Variants in ZBTB37 observed in about 807,000 individuals in gnomAD.
The protein encoded by ZBTB37 is zinc finger and BTB domain containing 37, also known as zinc finger and BTB domain-containing protein 37.
A neutral mutation model predicts 37.7 loss-of-function variants in ZBTB37; 15 were observed. The ratio of observed to expected loss-of-function variants is 0.40; its 90% CI spans 0.27 to 0.61. ZBTB37 has a LOEUF of 0.61. ZBTB37 is among the 20% of genes least tolerant of loss of function. ZBTB37 has a pLI of 0.44. For missense variants in ZBTB37, 514 were observed against 641.9 expected (o/e 0.80, Z 2.15); for synonymous variants, 231 against 220.6 (o/e 1.05, Z -0.42).
exon 3 of ZBTB37, chr1:173,871,032 G>A (rs1188742766): frequency 1.9e-6 from 3 of 1,614,232 alleles, no homozygotes; most frequent in Non-Finnish European, 2.5e-6. Context: ...GTAGTGCAGA[G>A]GAAGTAACAG....
intron 4 of ZBTB37, among the ~76,000 whole-genome samples, chr1:173,874,046 C>T (rs1173412516): frequency 1.3e-5 from 2 of 151,802 alleles, no homozygotes; most frequent in Non-Finnish European, 2.9e-5. Flanking sequence ...ACCTGAGGTC[C>T]GGAGTTCGAG....
chr1:173,898,114 TGGG>T (rs958680605), exon 4 of ZBTB37: 1 of 151,516 alleles, frequency 6.6e-6, no homozygotes. Flanking sequence ...TCTTTTTTTT[TGGG>T]GGGCAGGGGT....
chr1:173,878,435 G>A (rs1331711527), intron 4 of ZBTB37, among the ~76,000 whole-genome samples: 3 of 152,166 alleles, frequency 2.0e-5, no homozygotes, highest in Non-Finnish European at 4.4e-5. Flanking sequence ...AGAAGGGAAG[G>A]AAGGGGAAAG....
At chr1:173,889,875 T>G (rs994899870), downstream of ZBTB37, 13 of 152,348 alleles carry the variant, frequency 8.5e-5, no homozygotes, top group African/African-American at 3.1e-4. Context: ...TTTTTTGTCA[T>G]TTTTTAAATG....
At chr1:173,871,952 A>C (rs950416533) in intron 3 of ZBTB37, among the ~76,000 whole-genome samples, 7 of 152,266 alleles carry the variant, frequency 4.6e-5, no homozygotes, top group Non-Finnish European at 1.0e-4. Context: ...AATAAATTTA[A>C]ATTGACTATA....
At chr1:173,898,114 T>G (rs56753505) in exon 4 of ZBTB37, 44,445 of 151,456 alleles carry the variant, frequency 0.29, 7,296 homozygotes, top group East Asian at 0.56. Flanking sequence ...TCTTTTTTTT[T>G]GGGGGGCAGG....
At chr1:173,873,326 C>A in intron 3 of ZBTB37, 141 bp from the exon 4 acceptor site, 1 of 778,100 alleles carries the variant, frequency 1.3e-6, no homozygotes, top group Non-Finnish European at 1.9e-6. Flanking sequence ...GTATTAACTC[C>A]ACAAAACTAT....
chr1:173,896,582 C>A (rs1207334856), exon 4 of ZBTB37: 1 of 152,110 alleles, frequency 6.6e-6, no homozygotes, highest in Admixed American at 6.6e-5. Flanking sequence ...GAGAACAAAG[C>A]CAGAAAAAGG....
chr1:173,882,587 A>G, intron 4 of ZBTB37, among the ~76,000 whole-genome samples: 1 of 151,772 alleles, frequency 6.6e-6, no homozygotes. Context: ...GTTTAATTAG[A>G]TCCCGTTTGT....
chr1:173,903,490 CTG>C (rs1572084173), exon 4 of ZBTB37: 2 of 203,400 alleles, frequency 9.8e-6, no homozygotes, highest in Admixed American at 5.5e-5. Context: ...TATTTTAACA[CTG>C]TGTAAAAGAA....
exon 4 of ZBTB37, chr1:173,892,285 AT>A (rs1438770399): frequency 2.6e-5 from 4 of 152,204 alleles, no homozygotes; most frequent in African/African-American, 9.7e-5. Flanking sequence ...ATATGCATCT[AT>A]TGAAAGCAAT....
chr1:173,875,604 GAT>G (rs1344740537), intron 4 of ZBTB37, among the ~76,000 whole-genome samples: 3 of 151,954 alleles, frequency 2.0e-5, no homozygotes, highest in Non-Finnish European at 4.4e-5. Context: ...TGGGATTGCA[GAT>G]GTGAGCCACC....
At chr1:173,902,262 A>G (rs1657290205) in exon 4 of ZBTB37, 1 of 152,248 alleles carries the variant, frequency 6.6e-6, no homozygotes, top group Non-Finnish European at 1.5e-5. Context: ...AAGTTTCTAA[A>G]GGCTACCATA....
exon 4 of ZBTB37, chr1:173,895,224 C>G (rs1389738556): frequency 6.6e-6 from 1 of 152,360 alleles, no homozygotes; most frequent in Non-Finnish European, 1.5e-5. Flanking sequence ...CTACCTCATC[C>G]TCCCAAGTAG....
At chr1:173,871,733 A>T (rs1655579149) in intron 3 of ZBTB37, among the ~76,000 whole-genome samples, 1 of 152,056 alleles carries the variant, frequency 6.6e-6, no homozygotes, top group Non-Finnish European at 1.5e-5. Flanking sequence ...TTCATGGATG[A>T]CTGCTGCTAC....
At chr1:173,874,131 C>T (rs959176327) in intron 4 of ZBTB37, among the ~76,000 whole-genome samples, 8 of 151,406 alleles carry the variant, frequency 5.3e-5, no homozygotes, top group African/African-American at 1.2e-4. Context: ...GGCACGTGCC[C>T]GTGATCCCAA....
At chr1:173,898,321 G>T (rs1416547853) in exon 4 of ZBTB37, 1 of 151,972 alleles carries the variant, frequency 6.6e-6, no homozygotes, top group East Asian at 1.9e-4. Context: ...AATTAGCTGG[G>T]TGTGGTGGCG....
chr1:173,889,331 A>C (rs934921162), downstream of ZBTB37: 1 of 152,238 alleles, frequency 6.6e-6, no homozygotes. Flanking sequence ...TTAAGGATGT[A>C]CTAAATGGAC....
chr1:173,875,331 T>TATATATATATATATA (rs367970109), intron 4 of ZBTB37, among the ~76,000 whole-genome samples: 2 of 132,344 alleles, frequency 1.5e-5, no homozygotes, highest in African/African-American at 5.8e-5. Flanking sequence ...TATATATATA[T>TATATATATATATATA]TTTTTTTTTT....
Sources: gnomAD v4.1 joint callset for allele counts (sites outside exome capture counted in the v4.1 genomes callset) on GRCh38, gnomAD v4.1.1 for gene constraint, MANE v1.5 for transcripts, NCBI Gene and HGNC (gene_info 2026-07-23, HGNC 2026-07-21) for gene names.